The following IL17RB variants were observed in gnomAD, a reference collection of about 807,000 sequenced individuals.
The protein encoded by IL17RB is interleukin 17 receptor B.
IL17RB carries 36 observed loss-of-function variants against 43.9 expected under a neutral mutation model. The observed-to-expected ratio is 0.82, with a 90% CI of 0.63 to 1.08. The LOEUF (loss-of-function observed/expected upper bound fraction) is 1.08, where lower values mean the gene tolerates loss of function less well. Among genes scored for constraint, IL17RB ranks in the 50% least tolerant of loss-of-function variants. The probability of loss-of-function intolerance (pLI) is 0.00; values close to 1 mark genes in which losing one functional copy is unlikely to be tolerated. For missense variants in IL17RB, 613 were observed against 613.6 expected (o/e 1.00, Z 0.01); for synonymous variants, 225 against 225.4 (o/e 1.00, Z 0.02).
intron 9 of IL17RB, chr3:53,859,350 T>C (rs1699471490): frequency 6.6e-6 from 1 of 152,566 alleles, no homozygotes; most frequent in African/African-American, 2.4e-5. Context: ...GATGGAGAAA[T>C]ACAATGTTTA....
At chr3:53,853,709 T>C (rs1473496339) in intron 5 of IL17RB, among the ~76,000 whole-genome samples, 1 of 152,208 alleles carries the variant, frequency 6.6e-6, no homozygotes, top group Non-Finnish European at 1.5e-5. Context: ...CTGTCATCTG[T>C]CACAGGCAAG....
At chr3:53,851,629 CTT>C (rs973013045) in intron 3 of IL17RB, among the ~76,000 whole-genome samples, 2 of 152,130 alleles carry the variant, frequency 1.3e-5, no homozygotes, top group Admixed American at 6.5e-5. Context: ...CTTGGAGGGT[CTT>C]TGTGGGTCTC....
At position 53,857,871 on chromosome 3, in the gene IL17RB, G is replaced by C. The variant is rs1014247436; in HGVS notation, c.747+181G>C. On this transcript the variant is annotated intron_variant, in intron 8 of 10. Coordinates refer to ENST00000288167, the MANE Select transcript of IL17RB (RefSeq NM_018725.4). ...ACCGTGCTGAGGTCAGGAGGCCGACGTGGCAGTTGTGGTCCCTTTTGCTTG... is the reference window on the plus strand; with the variant it reads ...ACCGTGCTGAGGTCAGGAGGCCGACCTGGCAGTTGTGGTCCCTTTTGCTTG... The C allele has an allele frequency of 1.2e-5, 7 of 602,754 alleles. No individual in the cohort carries two copies. The Admixed American group carries it at 1.6e-4, about 14-fold the overall frequency. 37.3% of individuals were successfully genotyped at this position (602,754 alleles called of 1,614,324 possible). A position where few individuals can be genotyped will look rare whatever the true frequency, so the allele number is the denominator to read the frequency against.
chr3:53,859,988 C>T, intron 9 of IL17RB, 142 bp from the exon 10 acceptor site: 1 of 600,452 alleles, frequency 1.7e-6, no homozygotes, highest in Non-Finnish European at 2.8e-6. Flanking sequence ...CCAGCCTAGG[C>T]AACAAAGCGA....
intron 10 of IL17RB, among the ~76,000 whole-genome samples, chr3:53,862,190 C>T (rs1217054716): frequency 1.3e-5 from 2 of 152,140 alleles, no homozygotes; most frequent in East Asian, 3.8e-4. Context: ...ACCCAGAGCC[C>T]CATGAGTTCA....
In IL17RB at chr3:53,858,788, C is replaced by T; in HGVS notation, c.817C>T (p.Gln273Ter). The change falls in exon 9 of 11, where the codon CAA (glutamine) becomes TAA (stop). Residue 273 changes from glutamine to a stop codon, truncating the protein, a stop_gained. Coordinates refer to ENST00000288167, the MANE Select transcript of IL17RB (RefSeq NM_018725.4). LOFTEE classifies it high-confidence loss of function. Reference protein sequence around the residue: ...RHKGTVVLCPQTGVPFPLDNN... With the variant: ...RHKGTVVLCP The stretch of plus-strand genomic sequence containing the variant: ...TAAAGGAACAGTTGTGCTCTGCCCA[C>T]AAACAGGCGTCCCTTTCCCTCTGGA... The T allele has an allele frequency of 1.2e-6, 2 of 1,614,186 alleles. No homozygotes were observed. The highest frequency in any genetic ancestry group is 1.7e-6 in the Non-Finnish European group (2 of 1,179,992).
intron 1 of IL17RB, among the ~76,000 whole-genome samples, chr3:53,847,366 C>T (rs926833607): frequency 1.3e-5 from 2 of 152,108 alleles, no homozygotes; most frequent in African/African-American, 4.8e-5. Flanking sequence ...AGAATTCATC[C>T]CTTTTGCTGT....
Position 53,864,915 on chromosome 3 carries a change from A to C in IL17RB, c.1116A>C (p.Lys372Asn). The C allele has an allele frequency of 1.2e-6, 2 of 1,614,252 alleles. No individual in the cohort carries two copies. The highest frequency in any genetic ancestry group is 2.2e-5 in the South Asian group (2 of 91,084). ...EVILEKWQKK[K>N]IAEMGPVQWL... ...TCCTTGAAAAGTGGCAGAAAAAGAA[A>C]ATAGCAGAGATGGGTCCAGTGCAGT... The change falls in exon 11 of 11, where the codon AAA becomes AAC. Residue 372 changes from lysine (K) to asparagine (N), a missense_variant. Lys to Asn is a moderately conservative substitution (Grantham distance 94, BLOSUM62 0). Transcript: ENST00000288167.
At chr3:53,863,249 AT>A (rs1699632892) in intron 10 of IL17RB, among the ~76,000 whole-genome samples, 2 of 152,132 alleles carry the variant, frequency 1.3e-5, no homozygotes, top group Admixed American at 1.3e-4. Context: ...GTTATAGGAG[AT>A]TTTCAACTGC....
intron 10 of IL17RB, among the ~76,000 whole-genome samples, chr3:53,862,997 A>G (rs1457042803): frequency 6.6e-6 from 1 of 152,148 alleles, no homozygotes; most frequent in African/African-American, 2.4e-5. Context: ...CTTCCTCGTC[A>G]GCCTACTCAA....
rs774474582 is a variant in IL17RB, at chr3:53,864,893, T to C, written c.1094T>C (p.Leu365Pro). The change falls in exon 11 of 11, where the codon CTT becomes CCT. Residue 365 changes from leucine to proline, a missense_variant. Coordinates refer to ENST00000288167, the MANE Select transcript of IL17RB (RefSeq NM_018725.4). ...LQNHCRSEVI[L>P]EKWQKKKIAE... Reference sequence around the variant, plus strand: ...AACCATTGCAGAAGTGAGGTCATCCTTGAAAAGTGGCAGAAAAAGAAAATA... The same window carrying C: ...AACCATTGCAGAAGTGAGGTCATCCCTGAAAAGTGGCAGAAAAAGAAAATA... 1.4e-5 allele frequency: 22 copies of C among 1,614,194 alleles called. No homozygotes were observed. Among genetic ancestry groups the C allele is most frequent in the Non-Finnish European group, 1.9e-5 (22 of 1,180,028 alleles).
In IL17RB at chr3:53,864,827, G is replaced by A; in HGVS notation, c.1028G>A (p.Cys343Tyr). The stretch of plus-strand genomic sequence containing the variant: ...CTTGTGGTTTACCCATCTGAAATAT[G>A]TTTCCATCACACAATTTGTTACTTC... Reference protein sequence around the residue: ...KVLVVYPSEICFHHTICYFTE... With the variant: ...KVLVVYPSEIYFHHTICYFTE... The change falls in exon 11 of 11, where the codon TGT becomes TAT. Residue 343 changes from cysteine to tyrosine, a missense_variant. Transcript: ENST00000288167. 6.2e-7 allele frequency: 1 copy of A among 1,614,110 alleles called. No individual in the cohort carries two copies.
chr3:53,860,259 A>G, intron 10 of IL17RB, 31 bp downstream of exon 10: 2 of 1,537,912 alleles, frequency 1.3e-6, no homozygotes, highest in Non-Finnish European at 1.8e-6. Flanking sequence ...AAGACATCCT[A>G]GTAAGGAAAT....
At chr3:53,859,945 G>T in intron 9 of IL17RB, 185 bp from the exon 10 acceptor site, 1 of 490,490 alleles carries the variant, frequency 2.0e-6, no homozygotes, top group Non-Finnish European at 3.7e-6. Context: ...GGGAGACGGA[G>T]GCTGCAGTGA....
intron 4 of IL17RB, among the ~76,000 whole-genome samples, chr3:53,852,598 G>A (rs529338366): frequency 5.1e-4 from 78 of 152,230 alleles, no homozygotes; most frequent in Admixed American, 3.1e-3. Context: ...TCTCTGTTTT[G>A]TGCCTTTTGT....
In IL17RB at chr3:53,856,981, T is replaced by C. The variant is rs1416616410; in HGVS notation, c.667T>C (p.Phe223Leu). ...HSTIIGFSQV[F>L]EPHQKKQTRA... The stretch of plus-strand genomic sequence containing the variant: ...CACTATCATCGGGTTTTCTCAGGTG[T>C]TTGAGGTACTTTTTCTCTTCGTCCC... The change falls in exon 7 of 11, where the codon TTT becomes CTT. Residue 223 changes from phenylalanine (F) to leucine (L), a missense_variant. Transcript: ENST00000288167. The C allele has an allele frequency of 6.2e-7, 1 of 1,613,926 alleles. No homozygotes were observed. Among genetic ancestry groups the C allele is most frequent in the Middle Eastern group, 1.7e-4 (1 of 5,834 alleles).
intron 2 of IL17RB, among the ~76,000 whole-genome samples, chr3:53,849,142 G>T (rs1233085205): frequency 6.6e-6 from 1 of 152,226 alleles, no homozygotes; most frequent in Non-Finnish European, 1.5e-5. Flanking sequence ...AGGTGGGAAA[G>T]TGGGGGCTGT....
At chr3:53,857,870 C>T (rs1371347278) in intron 8 of IL17RB, 180 bp downstream of exon 8, 4 of 611,816 alleles carry the variant, frequency 6.5e-6, no homozygotes, top group South Asian at 2.0e-5. Context: ...AGGAGGCCGA[C>T]GTGGCAGTTG....
intron 10 of IL17RB, among the ~76,000 whole-genome samples, chr3:53,863,027 A>C (rs1699623517): frequency 6.6e-6 from 1 of 152,186 alleles, no homozygotes. Context: ...GACAAGAATA[A>C]AGACCTTTCT....
Sources: gnomAD v4.1 joint callset for allele counts (sites outside exome capture counted in the v4.1 genomes callset) on GRCh38, gnomAD v4.1.1 for gene constraint, MANE v1.5 for transcripts, NCBI Gene and HGNC (gene_info 2026-07-23, HGNC 2026-07-21) for gene names.